SEMA3E: variants seen among roughly 807,000 people sequenced by gnomAD.
The protein encoded by SEMA3E is semaphorin 3E.
Under a neutral mutation model 93.6 loss-of-function variants are expected in SEMA3E, and 49 were observed. That is an observed-to-expected ratio of 0.52 (90% confidence interval 0.42 to 0.66). The LOEUF is 0.66. Ranked by LOEUF, SEMA3E falls within the 30% of genes least tolerant of loss-of-function variation. The pLI is 0.00. For missense variants in SEMA3E, 906 were observed against 964.8 expected, an observed-to-expected ratio of 0.94 and a Z score of 0.81; for synonymous variants, 363 against 330.7, an observed-to-expected ratio of 1.10 and a Z score of -1.06.
At chr7:83,495,529 TA>T (rs1291672639) in intron 1 of SEMA3E, among the ~76,000 whole-genome samples, 1 of 151,816 alleles carries the variant, frequency 6.6e-6, no homozygotes, top group South Asian at 2.1e-4. Context: ...TTCTGAAGTT[TA>T]AGAAAGAAGC....
At chr7:83,614,271 C>G (rs1029191967) in intron 1 of SEMA3E, among the ~76,000 whole-genome samples, 1 of 149,784 alleles carries the variant, frequency 6.7e-6, no homozygotes, top group African/African-American at 2.5e-5. Context: ...AACAGCCAGA[C>G]AGATTTTATT....
chr7:83,434,672 A>AATTTGAGG lies in SEMA3E; in HGVS notation c.457-16197_457-16190dup, dbSNP rs368100184. On this transcript the variant is annotated intron_variant, in intron 4 of 16. Transcript: ENST00000643230. The stretch of plus-strand genomic sequence containing the variant: ...GTGCCACACTTTGGCAGAATTGGCT[A>AATTTGAGG]ATTTGAGGATAGATTTATTTATCCT... Among the ~76,000 whole-genome samples the AATTTGAGG allele has an allele frequency of 5.9e-3, 899 of 151,354 alleles. 13 individuals carry two copies. The highest frequency in any genetic ancestry group is 0.021 in the African/African-American group (856 of 41,292).
chr7:83,397,081 GAAA>G (rs10711531), intron 11 of SEMA3E, among the ~76,000 whole-genome samples: 1 of 133,700 alleles, frequency 7.5e-6, no homozygotes. Flanking sequence ...CTTCATCTAA[GAAA>G]AAAAAAAAAA....
At chr7:83,561,579 A>C (rs182971761) in intron 1 of SEMA3E, among the ~76,000 whole-genome samples, 3 of 152,184 alleles carry the variant, frequency 2.0e-5, no homozygotes, top group African/African-American at 4.8e-5. Flanking sequence ...TTTTTTAAGC[A>C]TCTGCCCTTT....
chr7:83,633,610 A>C (rs1257343857), intron 1 of SEMA3E, among the ~76,000 whole-genome samples: 1 of 152,186 alleles, frequency 6.6e-6, no homozygotes, highest in East Asian at 1.9e-4. Context: ...TGGAATAATA[A>C]AGTTAGGAAA....
chr7:83,482,402 T>A (rs1393909669), intron 2 of SEMA3E, among the ~76,000 whole-genome samples: 1 of 151,444 alleles, frequency 6.6e-6, no homozygotes, highest in East Asian at 1.9e-4. Flanking sequence ...CCGTCTCTAC[T>A]AAAAATACAA....
At chr7:83,542,147 A>T (rs1462680973) in intron 1 of SEMA3E, among the ~76,000 whole-genome samples, 1 of 151,878 alleles carries the variant, frequency 6.6e-6, no homozygotes, top group Non-Finnish European at 1.5e-5. Flanking sequence ...GTTCAAGATC[A>T]GCCTGGGCAA....
At chr7:83,475,092 A>C (rs1190821254) in intron 2 of SEMA3E, among the ~76,000 whole-genome samples, 1 of 151,856 alleles carries the variant, frequency 6.6e-6, no homozygotes, top group Non-Finnish European at 1.5e-5. Flanking sequence ...AGAATAGATA[A>C]TCCCTCATCC....
chr7:83,576,913 T>C (rs552164556), intron 1 of SEMA3E, among the ~76,000 whole-genome samples: 14 of 152,240 alleles, frequency 9.2e-5, no homozygotes, highest in Admixed American at 6.5e-4. Flanking sequence ...CAAGCTACCA[T>C]GCCCAGCCAA....
intron 1 of SEMA3E, among the ~76,000 whole-genome samples, chr7:83,507,424 C>CTGTGTGTGTGTGTGTG (rs4016317): frequency 2.5e-4 from 32 of 125,994 alleles, no homozygotes; most frequent in South Asian, 8.5e-4. Flanking sequence ...AAACAGAACT[C>CTGTGTGTGTGTGTGTG]TGTGTGTGTG....
At chr7:83,388,339 A>C (rs187060186) in intron 14 of SEMA3E, among the ~76,000 whole-genome samples, 16 of 145,774 alleles carry the variant, frequency 1.1e-4, no homozygotes, top group Non-Finnish European at 2.4e-4. Flanking sequence ...AAATATATAT[A>C]TATCTTTAAA....
chr7:83,561,700 C>T (rs1014844837), intron 1 of SEMA3E, among the ~76,000 whole-genome samples: 3 of 152,066 alleles, frequency 2.0e-5, no homozygotes, highest in African/African-American at 7.2e-5. Flanking sequence ...TGCATGATGA[C>T]AAACTGACTT....
At chr7:83,458,320 T>C (rs1245520133) in intron 4 of SEMA3E, among the ~76,000 whole-genome samples, 1 of 151,292 alleles carries the variant, frequency 6.6e-6, no homozygotes, top group South Asian at 2.1e-4. Context: ...TCAAAGAAAA[T>C]GATGATAAAC....
At chr7:83,396,089 T>TTA (rs3043165) in intron 12 of SEMA3E, among the ~76,000 whole-genome samples, 131,794 of 151,086 alleles carry the variant, frequency 0.87, 60,084 homozygotes, top group East Asian at 1. Context: ...ATATGTGCAT[T>TTA]TATATATATG....
intron 4 of SEMA3E, among the ~76,000 whole-genome samples, chr7:83,433,594 A>G (rs890835245): frequency 3.3e-5 from 5 of 152,122 alleles, no homozygotes; most frequent in African/African-American, 7.2e-5. Context: ...AAAAATATCT[A>G]TTCCATAAAA....
rs1457393978 is a variant in SEMA3E, at chr7:83,408,396, A to C, written c.642T>G (p.Thr214=). The C allele has an allele frequency of 3.1e-6, 5 of 1,613,738 alleles. No individual in the cohort carries two copies. The highest frequency in any genetic ancestry group is 1.3e-5 in the African/African-American group (1 of 74,930). Residue 214 remains threonine, a synonymous_variant, in exon 6 of 17, where the codon ACT becomes ACG. Coordinates refer to ENST00000643230, the MANE Select transcript of SEMA3E (RefSeq NM_012431.3). ...RSMGRLAHIR[T]EHDDERLLKE... ...TCAACAGACGCTCATCGTCATGCTC[A>C]GTGCGGATATGGGCCAGTCGCCCCA...
At chr7:83,499,267 A>G (rs1224090966) in intron 1 of SEMA3E, among the ~76,000 whole-genome samples, 1 of 152,204 alleles carries the variant, frequency 6.6e-6, no homozygotes. Flanking sequence ...TACCGGGTCA[A>G]AAGCATTTGT....
intron 1 of SEMA3E, among the ~76,000 whole-genome samples, chr7:83,599,721 G>A (rs948192565): frequency 2.0e-5 from 3 of 152,046 alleles, no homozygotes; most frequent in Non-Finnish European, 2.9e-5. Context: ...GAATAAACAA[G>A]CCTTTGTTTA....
At chr7:83,559,325 T>G (rs1205791613) in intron 1 of SEMA3E, among the ~76,000 whole-genome samples, 1 of 152,128 alleles carries the variant, frequency 6.6e-6, no homozygotes, top group African/African-American at 2.4e-5. Context: ...GAAGTCATCT[T>G]AAATGTTTTG....
Sources: gnomAD v4.1 joint callset for allele counts (sites outside exome capture counted in the v4.1 genomes callset) on GRCh38, gnomAD v4.1.1 for gene constraint, MANE v1.5 for transcripts, NCBI Gene and HGNC (gene_info 2026-07-23, HGNC 2026-07-21) for gene names.